The following MDGA2 variants were observed in gnomAD, a reference collection of about 807,000 sequenced individuals.
MDGA2 encodes MAM domain-containing glycosylphosphatidylinositol anchor protein 2.
A neutral mutation model predicts 117.8 loss-of-function variants in MDGA2; 40 were observed. That is an observed-to-expected ratio of 0.34 (90% confidence interval 0.26 to 0.44). The LOEUF is 0.44. Among genes scored for constraint, MDGA2 ranks in the 20% least tolerant of loss-of-function variants. MDGA2 has a pLI of 1.00. For missense variants in MDGA2, 1,123 were observed against 1,250.6 expected, an observed-to-expected ratio of 0.90 and a Z score of 1.54; for synonymous variants, 452 against 439.0, an observed-to-expected ratio of 1.03 and a Z score of -0.37.
At chr14:47,281,123 A>G (rs1888475333) in intron 2 of MDGA2, among the ~76,000 whole-genome samples, 1 of 150,154 alleles carries the variant, frequency 6.7e-6, no homozygotes, top group East Asian at 1.9e-4. Context: ...AATTTAATGT[A>G]ATATGAAATA....
At chr14:47,346,140 C>T (rs1890757871) in intron 1 of MDGA2, among the ~76,000 whole-genome samples, 1 of 152,036 alleles carries the variant, frequency 6.6e-6, no homozygotes, top group Non-Finnish European at 1.5e-5. Flanking sequence ...GACGGATATG[C>T]TAATTATCCT....
chr14:46,921,850 A>G (rs1884145144), intron 9 of MDGA2, among the ~76,000 whole-genome samples: 1 of 152,200 alleles, frequency 6.6e-6, no homozygotes. Flanking sequence ...TGAGCTGCTT[A>G]GATGAGTAAC....
At chr14:46,938,382 T>TA (rs201170404) in intron 9 of MDGA2, among the ~76,000 whole-genome samples, 3,553 of 150,578 alleles carry the variant, frequency 0.024, 55 homozygotes, top group Middle Eastern at 0.034. Flanking sequence ...CTACTAAAAA[T>TA]AAAAAAATTA....
intron 1 of MDGA2, among the ~76,000 whole-genome samples, chr14:47,322,356 C>A (rs1890005050): frequency 6.6e-6 from 1 of 152,158 alleles, no homozygotes; most frequent in Non-Finnish European, 1.5e-5. Flanking sequence ...ATTAGGTTAT[C>A]CTCTGACAAC....
intron 9 of MDGA2, among the ~76,000 whole-genome samples, chr14:46,927,419 T>C (rs1884373578): frequency 6.6e-6 from 1 of 152,128 alleles, no homozygotes; most frequent in Non-Finnish European, 1.5e-5. Flanking sequence ...CAAGCAATAC[T>C]TAAGAAATTA....
chr14:46,912,834 T>C (rs1233042804), intron 10 of MDGA2, among the ~76,000 whole-genome samples: 1 of 152,166 alleles, frequency 6.6e-6, no homozygotes, highest in Non-Finnish European at 1.5e-5. Flanking sequence ...CATTTATATA[T>C]CCCTTCTCAT....
intron 1 of MDGA2, among the ~76,000 whole-genome samples, chr14:47,593,674 C>T (rs1245105357): frequency 6.6e-6 from 1 of 151,898 alleles, no homozygotes; most frequent in African/African-American, 2.4e-5. Context: ...GTGAACTGAA[C>T]AATGAGAACA....
At chr14:47,346,939 A>G (rs532416311) in intron 1 of MDGA2, among the ~76,000 whole-genome samples, 1 of 152,334 alleles carries the variant, frequency 6.6e-6, no homozygotes, top group South Asian at 2.1e-4. Context: ...TTTTTAAGAA[A>G]GGCTGAAAAA....
chr14:47,265,919 C>T (rs754197217), intron 2 of MDGA2, among the ~76,000 whole-genome samples: 2 of 152,084 alleles, frequency 1.3e-5, no homozygotes, highest in African/African-American at 2.4e-5. Flanking sequence ...ATAAGATATA[C>T]AGAAATCATA....
chr14:47,262,789 T>A (rs1365474987), intron 2 of MDGA2, among the ~76,000 whole-genome samples: 4 of 152,186 alleles, frequency 2.6e-5, no homozygotes, highest in Non-Finnish European at 4.4e-5. Context: ...GAGCATAGAT[T>A]TGAAAGCTTA....
intron 6 of MDGA2, among the ~76,000 whole-genome samples, chr14:47,067,282 C>G (rs1489224338): frequency 5.3e-5 from 8 of 152,188 alleles, no homozygotes; most frequent in Admixed American, 5.2e-4. Context: ...GGGGGAACAT[C>G]TCTGAGGACT....
chr14:46,910,677 G>A (rs1883663861), intron 10 of MDGA2, among the ~76,000 whole-genome samples: 1 of 152,138 alleles, frequency 6.6e-6, no homozygotes, highest in African/African-American at 2.4e-5. Context: ...AAATAGGTAG[G>A]AAGGAAGTCA....
chr14:46,852,084 A>T (rs1338932261), intron 15 of MDGA2, among the ~76,000 whole-genome samples: 1 of 151,832 alleles, frequency 6.6e-6, no homozygotes, highest in Non-Finnish European at 1.5e-5. Context: ...GAAATGAAAG[A>T]GCGTCGATCA....
rs138165652 is a variant in MDGA2 at position 46,847,166 on chromosome 14, G to A, written c.2884-1295C>T. Among the ~76,000 whole-genome samples, 1,325 of 152,042 alleles carry A rather than the reference G, an allele frequency of 8.7e-3. 14 individuals carry two copies. The highest frequency in any genetic ancestry group is 0.03 in the African/African-American group (1,251 of 41,498). On this transcript the variant is annotated intron_variant, in intron 15 of 16. Coordinates refer to ENST00000399232, the MANE Select transcript of MDGA2 (RefSeq NM_001113498.3). ...CAGGTAGTAACCAGAGGCATCAGTT[G>A]TCAACTTTTGTATTGAGACCCTGTC...
intron 2 of MDGA2, among the ~76,000 whole-genome samples, chr14:47,258,870 G>A (rs1425384596): frequency 6.6e-6 from 1 of 151,274 alleles, no homozygotes; most frequent in Non-Finnish European, 1.5e-5. Flanking sequence ...ATAAGAATAT[G>A]GAAATTTTAA....
chr14:47,600,747 G>C (rs1364220114), intron 1 of MDGA2, among the ~76,000 whole-genome samples: 1 of 150,480 alleles, frequency 6.6e-6, no homozygotes, highest in Non-Finnish European at 1.5e-5. Context: ...GTAGGGAAGA[G>C]TGCACTGCAC....
At chr14:47,612,209 C>CAAAT (rs139076469) in intron 1 of MDGA2, among the ~76,000 whole-genome samples, 3,057 of 145,808 alleles carry the variant, frequency 0.021, 89 homozygotes, top group East Asian at 0.096. Flanking sequence ...GATAGATAGA[C>CAAAT]AGATAGATAG....
Position 46,846,457 on chromosome 14 carries a change from G to C in MDGA2, c.2884-586C>G, listed in dbSNP as rs531069882. The stretch of plus-strand genomic sequence containing the variant: ...GCTGATATTCCATTTTTTTAAACTT[G>C]AAGATATGTATCAGTCTATTTATGT... On this transcript the variant is annotated intron_variant, in intron 15 of 16. Coordinates refer to ENST00000399232, the MANE Select transcript of MDGA2 (RefSeq NM_001113498.3). 2.6e-5 allele frequency among the ~76,000 whole-genome samples: 4 copies of C among 152,030 alleles called. No individual in the cohort carries two copies. In the South Asian group the frequency reaches 8.3e-4, roughly 31 times the overall value.
chr14:47,014,983 G>C (rs1294152037), intron 8 of MDGA2, among the ~76,000 whole-genome samples: 1 of 152,112 alleles, frequency 6.6e-6, no homozygotes, highest in Non-Finnish European at 1.5e-5. Context: ...AGAGATGTAA[G>C]ACTCTTCCTT....
Sources: allele counts gnomAD v4.1 joint callset (sites outside exome capture counted in the v4.1 genomes callset), GRCh38; gene constraint gnomAD v4.1.1; transcripts MANE v1.5; gene names NCBI Gene and HGNC (gene_info 2026-07-23, HGNC 2026-07-21).